Variants in SLC19A3 observed in about 807,000 individuals in gnomAD.
The protein encoded by SLC19A3 is thiamine transporter 2.
A neutral mutation model predicts 40.2 loss-of-function variants in SLC19A3; 31 were observed. The ratio of observed to expected loss-of-function variants is 0.77; its 90% CI spans 0.58 to 1.04. SLC19A3 has a LOEUF of 1.04. Among genes scored for constraint, SLC19A3 ranks in the 50% least tolerant of loss-of-function variants. The pLI, the probability that SLC19A3 is intolerant of heterozygous loss-of-function variation, is 0.00. For missense variants in SLC19A3, 592 were observed against 596.7 expected, an observed-to-expected ratio of 0.99 and a Z score of 0.08; for synonymous variants, 212 against 227.5, an observed-to-expected ratio of 0.93 and a Z score of 0.61.
Position 227,698,791 on chromosome 2 carries a change from T to C in SLC19A3, c.924A>G (p.Pro308=), listed in dbSNP as rs1251453438. The change falls in exon 3 of 6, where the codon CCA becomes CCG. Residue 308 remains proline (P), a synonymous_variant. Coordinates refer to ENST00000644224, the MANE Select transcript of SLC19A3 (RefSeq NM_025243.4). ...YVQILWDYKA[P]SQDSSIYNGA... ...CATTATAGATGGAAGAATCTTGGGA[T>C]GGCGCCTTGTAATCCCACAGGATTT... is the stretch of plus-strand genomic sequence containing the variant. The C allele has an allele frequency of 3.7e-6, 6 of 1,614,096 alleles. No homozygotes were observed. The highest frequency in any genetic ancestry group is 5.1e-6 in the Non-Finnish European group (6 of 1,180,060).
rs1695160524 is a variant in SLC19A3, at chr2:227,690,020, T to TA, written c.1173-1714dup. Among the ~76,000 whole-genome samples, 6 of 151,806 alleles carry TA rather than the reference T, an allele frequency of 4.0e-5. No individual in the cohort carries two copies. In the South Asian group the frequency reaches 1.2e-3, roughly 32 times the overall value. On this transcript the variant is annotated intron_variant, in intron 4 of 5. Coordinates refer to ENST00000644224, the MANE Select transcript of SLC19A3 (RefSeq NM_025243.4). The stretch of plus-strand genomic sequence containing the variant: ...AAACATGCAATGGATACCCAAAAAG[T>TA]AAAAAAGAAATTAAATTATATCACC...
chr2:227,694,763 C>T (rs1695364030), intron 4 of SLC19A3, among the ~76,000 whole-genome samples: 1 of 152,106 alleles, frequency 6.6e-6, no homozygotes, highest in Admixed American at 6.6e-5. Context: ...TAGAAAATGA[C>T]TGAAAACTAG....
intron 3 of SLC19A3, 58 bp downstream of exon 3, chr2:227,698,678 G>A: frequency 6.9e-7 from 1 of 1,449,662 alleles, no homozygotes; most frequent in Non-Finnish European, 9.7e-7. Context: ...TCGGTACCTG[G>A]AGGAATGGAC....
Position 227,687,163 on chromosome 2 carries a change from T to A in SLC19A3, c.*234A>T, listed in dbSNP as rs1341425861. The A allele has an allele frequency of 2.4e-6, 1 of 421,220 alleles. No individual in the cohort carries two copies. Among genetic ancestry groups the A allele is most frequent in the Non-Finnish European group, 4.2e-6 (1 of 237,552 alleles). 26.1% of individuals were successfully genotyped at this position (421,220 alleles called of 1,614,324 possible). On this transcript the variant is annotated 3_prime_UTR_variant, in exon 6 of 6. Transcript: ENST00000644224. Reference sequence around the variant, plus strand: ...TCCAGCTGCTACTAGTCACAGGGGGTCCCCAATATGGGTTGTTTAATTATG... The same window carrying A: ...TCCAGCTGCTACTAGTCACAGGGGGACCCCAATATGGGTTGTTTAATTATG...
intron 3 of SLC19A3, among the ~76,000 whole-genome samples, chr2:227,696,460 T>C (rs1441928515): frequency 6.6e-6 from 1 of 152,242 alleles, no homozygotes; most frequent in Non-Finnish European, 1.5e-5. Context: ...TCTCTGGGAA[T>C]ACACTGGCCT....
At chr2:227,690,200 C>A (rs888349145) in intron 4 of SLC19A3, among the ~76,000 whole-genome samples, 27 of 152,074 alleles carry the variant, frequency 1.8e-4, no homozygotes, top group Admixed American at 1.3e-3. Context: ...ACCCAATGAC[C>A]TGTTGCCTAC....
chr2:227,699,341 G>A lies in SLC19A3; in HGVS notation c.374C>T (p.Ala125Val). The A allele has an allele frequency of 6.2e-7, 1 of 1,614,158 alleles. No homozygotes were observed. The highest frequency in any genetic ancestry group is 8.5e-7 in the Non-Finnish European group (1 of 1,180,036). Residue 125 changes from alanine (A) to valine (V), a missense_variant, in exon 3 of 6, where the codon GCC (alanine) becomes GTC (valine). Coordinates refer to ENST00000644224, the MANE Select transcript of SLC19A3 (RefSeq NM_025243.4). Reference sequence around the variant, plus strand: ...GGGGCTGACCACGCTGTATATGTAGGCGTAGTAGGCCACCTCGGCGGCGGT... The same window carrying A: ...GGGGCTGACCACGCTGTATATGTAGACGTAGTAGGCCACCTCGGCGGCGGT... ...MVTAAEVAYY[A>V]YIYSVVSPEH...
chr2:227,687,891 T>A (rs572463187), intron 5 of SLC19A3, among the ~76,000 whole-genome samples: 1 of 152,310 alleles, frequency 6.6e-6, no homozygotes, highest in African/African-American at 2.4e-5. Flanking sequence ...CCTGTCTCTA[T>A]GTCTTTGTTT....
chr2:227,717,813 G>T, intron 1 of SLC19A3, 130 bp downstream of exon 1: 1 of 707,850 alleles, frequency 1.4e-6, no homozygotes, highest in Non-Finnish European at 1.7e-6. Flanking sequence ...GCGGCTCAGA[G>T]TGTAGCCCAG....
chr2:227,697,215 G>A (rs1190519469), intron 3 of SLC19A3, among the ~76,000 whole-genome samples: 1 of 152,128 alleles, frequency 6.6e-6, no homozygotes, highest in South Asian at 2.1e-4. Context: ...TAATTTCAGT[G>A]AAGCAATTCT....
chr2:227,702,342 G>GA (rs1695731545), intron 1 of SLC19A3, 22 bp from the exon 2 acceptor site: 1 of 1,612,122 alleles, frequency 6.2e-7, no homozygotes. Flanking sequence ...GAAACAAAGA[G>GA]AAAATTAAGT....
At chr2:227,712,894 G>T (rs1001375109) in intron 1 of SLC19A3, among the ~76,000 whole-genome samples, 1 of 152,024 alleles carries the variant, frequency 6.6e-6, no homozygotes, top group African/African-American at 2.4e-5. Flanking sequence ...CGGATTGGTG[G>T]TTGCCTGGGG....
At chr2:227,702,385 T>C (rs1194553097) in intron 1 of SLC19A3, 65 bp from the exon 2 acceptor site, 23 of 1,518,266 alleles carry the variant, frequency 1.5e-5, no homozygotes, top group East Asian at 2.4e-5. Flanking sequence ...CTTGATGCGA[T>C]GAAAACCTGA....
intron 2 of SLC19A3, chr2:227,700,793 A>C (rs1011285528): frequency 1.7e-6 from 1 of 590,850 alleles, no homozygotes; most frequent in Non-Finnish European, 2.6e-6. Context: ...AATATGGATC[A>C]TCTCACAGAT....
At chr2:227,689,250 T>C (rs1574543545) in intron 4 of SLC19A3, among the ~76,000 whole-genome samples, 1 of 151,930 alleles carries the variant, frequency 6.6e-6, no homozygotes, top group East Asian at 1.9e-4. Flanking sequence ...GAGATCAATA[T>C]CCAAGGACAA....
At chr2:227,716,183 T>C (rs945850087) in intron 1 of SLC19A3, among the ~76,000 whole-genome samples, 4 of 152,192 alleles carry the variant, frequency 2.6e-5, no homozygotes, top group Non-Finnish European at 5.9e-5. Context: ...GTAATTATTG[T>C]CTATAGACAT....
At chr2:227,715,253 C>A (rs1008159780) in intron 1 of SLC19A3, among the ~76,000 whole-genome samples, 4 of 147,922 alleles carry the variant, frequency 2.7e-5, no homozygotes, top group Admixed American at 2.0e-4. Context: ...ACCCCACACC[C>A]CCCCCAAAAA....
chr2:227,698,569 G>A (rs1377238684), intron 3 of SLC19A3, among the ~76,000 whole-genome samples, 167 bp downstream of exon 3: 1 of 152,186 alleles, frequency 6.6e-6, no homozygotes, highest in Non-Finnish European at 1.5e-5. Context: ...AAAGTGCTGG[G>A]ATTACAGGCA....
chr2:227,686,701 T>C lies in SLC19A3; in HGVS notation c.*696A>G, dbSNP rs1359573050. 1 of 152,182 alleles carries C rather than the reference T, an allele frequency of 6.6e-6. No individual in the cohort carries two copies. Among genetic ancestry groups the C allele is most frequent in the African/African-American group, 2.4e-5 (1 of 41,438 alleles). The allele number at this position is 152,182 out of a possible 1,614,324, so 9.4% of individuals were successfully genotyped here. A position where few individuals can be genotyped will look rare whatever the true frequency, so the allele number is the denominator to read the frequency against. On this transcript the variant is annotated 3_prime_UTR_variant, in exon 6 of 6. Transcript: ENST00000644224. The stretch of plus-strand genomic sequence containing the variant: ...GGCCACTGGGAAATGACCTTGTGTA[T>C]TCTGCAAATACACAAGAGGATCTGA...
Sources: gnomAD v4.1 joint callset for allele counts (sites outside exome capture counted in the v4.1 genomes callset) on GRCh38, gnomAD v4.1.1 for gene constraint, MANE v1.5 for transcripts, NCBI Gene and HGNC (gene_info 2026-07-23, HGNC 2026-07-21) for gene names.